The following PSMD3 variants were observed in gnomAD, a reference collection of about 807,000 sequenced individuals.
PSMD3 encodes the protein 26S proteasome non-ATPase regulatory subunit 3.
A neutral mutation model predicts 62.8 loss-of-function variants in PSMD3; 5 were observed. The ratio of observed to expected loss-of-function variants is 0.08; its 90% CI spans 0.04 to 0.17. PSMD3 has a LOEUF of 0.17. PSMD3 is among the 10% of genes least tolerant of loss of function. The pLI, the probability that PSMD3 is intolerant of heterozygous loss-of-function variation, is 1.00. For missense variants in PSMD3, 524 were observed against 713.6 expected (o/e 0.73, Z 3.03); for synonymous variants, 265 against 283.9 (o/e 0.93, Z 0.67).
Position 39,989,711 on chromosome 17 carries a change from C to G in PSMD3, c.687-28C>G, listed in dbSNP as rs79421311. On this transcript the variant is annotated intron_variant, in intron 4 of 11. Transcript: ENST00000264639. Reference sequence around the variant, plus strand: ...AGTTCAGAGAGTTGTGATTTGAAGGCTTTGACATCTTTCTTTCCTTCTTGA... The same window carrying G: ...AGTTCAGAGAGTTGTGATTTGAAGGGTTTGACATCTTTCTTTCCTTCTTGA... The G allele has an allele frequency of 8.6e-4, 1,375 of 1,597,538 alleles. 13 individuals are homozygous for G. In the East Asian group the frequency reaches 0.021, roughly 25 times the overall value.
chr17:39,990,179 T>C lies in PSMD3; in HGVS notation c.963T>C (p.Ala321=). 6.2e-7 allele frequency: 1 copy of C among 1,613,084 alleles called. No homozygotes were observed. Among genetic ancestry groups the C allele is most frequent in the South Asian group, 1.1e-5 (1 of 91,038 alleles). The change falls in exon 6 of 12, where the codon GCT becomes GCC. Residue 321 remains alanine (A), a synonymous_variant. Coordinates refer to ENST00000264639, the MANE Select transcript of PSMD3 (RefSeq NM_002809.4). ...NALRKAPQHT[A]VGFKQTVHKL... ...TTCGCAAGGCCCCTCAGCACACAGC[T>C]GTCGGCTTCAAACAGACGGTGAGCC...
At position 39,997,628 on chromosome 17, in the gene PSMD3, C is replaced by T. The variant is rs555888008; in HGVS notation, c.*47C>T. On this transcript the variant is annotated 3_prime_UTR_variant, in exon 12 of 12. Coordinates refer to ENST00000264639, the MANE Select transcript of PSMD3 (RefSeq NM_002809.4). Reference sequence around the variant, plus strand: ...AGGGGGAATGGGGACAGGCTCTTTCCCCCTTGGGGGTCCCCTGCCCAGGGC... The same window carrying T: ...AGGGGGAATGGGGACAGGCTCTTTCTCCCTTGGGGGTCCCCTGCCCAGGGC... 4.4e-6 allele frequency: 7 copies of T among 1,588,628 alleles called. No homozygotes were observed. The highest frequency in any genetic ancestry group is 6.0e-6 in the Non-Finnish European group (7 of 1,162,218).
intron 1 of PSMD3, among the ~76,000 whole-genome samples, chr17:39,984,001 C>A (rs1044990030): frequency 6.6e-6 from 1 of 151,998 alleles, no homozygotes; most frequent in African/African-American, 2.4e-5. Context: ...AGATCGAGAC[C>A]ATCCTGGCTA....
chr17:39,996,331 C>A lies in PSMD3; in HGVS notation c.1469C>A (p.Ser490Tyr). 1 of 1,613,934 alleles carries A rather than the reference C, an allele frequency of 6.2e-7. No homozygotes were observed. Among genetic ancestry groups the A allele is most frequent in the Non-Finnish European group, 8.5e-7 (1 of 1,179,986 alleles). ...ISFCLDIHNM[S>Y]VKAMRFPPKS... ...TTCTGCCTAGATATCCACAACATGT[C>A]TGTCAAGGTGAGAAGCCCGTGGCTG... Residue 490 changes from serine to tyrosine, a missense_variant, in exon 10 of 12, where the codon TCT becomes TAT. This residue lies in a region of PSMD3 where 76 missense variants were observed against 97.3 expected (regional missense o/e 0.78). Coordinates refer to ENST00000264639, the MANE Select transcript of PSMD3 (RefSeq NM_002809.4). The surrounding 1 kb of genome is among the most constrained non-coding windows in gnomAD (Gnocchi z 5.1).
At chr17:39,984,062 T>C (rs968888777) in intron 1 of PSMD3, among the ~76,000 whole-genome samples, 4 of 151,764 alleles carry the variant, frequency 2.6e-5, no homozygotes, top group African/African-American at 7.3e-5. Flanking sequence ...TAGCCAGGCG[T>C]GGTGGCGGGT....
At chr17:39,982,174 C>G (rs1980405604) in intron 1 of PSMD3, among the ~76,000 whole-genome samples, 1 of 152,190 alleles carries the variant, frequency 6.6e-6, no homozygotes, top group African/African-American at 2.4e-5. Flanking sequence ...TTGACTACAT[C>G]AGCTCTTACT....
chr17:39,993,477 C>T (rs1204058460), intron 6 of PSMD3: 1 of 152,340 alleles, frequency 6.6e-6, no homozygotes, highest in Non-Finnish European at 1.5e-5. Context: ...GAGATCCCTC[C>T]TGGCCCCCTT....
Position 39,989,833 on chromosome 17 carries a change from T to G in PSMD3, c.781T>G (p.Tyr261Asp). Residue 261 changes from tyrosine (Y) to aspartate (D), a missense_variant, in exon 5 of 12, where the codon TAC becomes GAC. Tyr to Asp is a radical substitution (Grantham distance 160). Coordinates refer to ENST00000264639, the MANE Select transcript of PSMD3 (RefSeq NM_002809.4). Reference protein sequence around the residue: ...LNLLLRNYLHYSLYDQAEKLV... With the variant: ...LNLLLRNYLHDSLYDQAEKLV... ...CCTCCTGCTGCGGAATTACCTACAC[T>G]ACAGCTTGTACGACCAGGCTGAGAA... 2 of 1,614,190 alleles carry G rather than the reference T, an allele frequency of 1.2e-6. No individual in the cohort carries two copies. Among genetic ancestry groups the G allele is most frequent in the Non-Finnish European group, 1.7e-6 (2 of 1,180,040 alleles).
intron 6 of PSMD3, chr17:39,993,818 G>A (rs1980716715): frequency 6.6e-6 from 1 of 152,166 alleles, no homozygotes; most frequent in African/African-American, 2.4e-5. Context: ...AGACAGGCTA[G>A]GTATTGTTAT....
At chr17:39,993,783 G>T (rs1489870666) in intron 6 of PSMD3, 1 of 152,176 alleles carries the variant, frequency 6.6e-6, no homozygotes, top group Admixed American at 6.5e-5. Context: ...CACTGCTGTA[G>T]GGTATCATAA....
In PSMD3 at chr17:39,996,120, CAAAA is replaced by C. The variant is rs35244421; in HGVS notation, c.1321-51_1321-48del. On this transcript the variant is annotated intron_variant, in intron 9 of 11. Coordinates refer to ENST00000264639, the MANE Select transcript of PSMD3 (RefSeq NM_002809.4). The surrounding 1 kb of genome is among the most constrained non-coding windows in gnomAD (Gnocchi z 5.1). ...TGGGTGACAGAGCGAGACTCCATCT[CAAAA>C]AAAAAAAAAAAGAAGAAGCTGGGTG... 8.2e-5 allele frequency: 120 copies of C among 1,456,400 alleles called. No homozygotes were observed. Among genetic ancestry groups the C allele is most frequent in the Admixed American group, 2.7e-4 (14 of 52,046 alleles). The allele number at this position is 1,456,400 out of a possible 1,614,324, so 90.2% of individuals were successfully genotyped here. A position where few individuals can be genotyped will look rare whatever the true frequency, so the allele number is the denominator to read the frequency against.
Position 39,984,810 on chromosome 17 carries a change from T to C in PSMD3, c.411+326T>C, listed in dbSNP as rs149145943. On this transcript the variant is annotated intron_variant, in intron 2 of 11. Transcript: ENST00000264639. ...GAGAGAAGGTGCTGCTGCCTCTTTC[T>C]TCTGAAGCTTCACCATGGAGGAGGT... Among the ~76,000 whole-genome samples, 431 of 152,278 alleles carry C rather than the reference T, an allele frequency of 2.8e-3. 5 individuals carry two copies. The highest frequency in any genetic ancestry group is 0.028 in the East Asian group (145 of 5,176).
rs2144807609 is a variant in PSMD3, at chr17:39,984,034, C to G, written c.221-260C>G. Among the ~76,000 whole-genome samples the G allele has an allele frequency of 2.6e-5, 4 of 152,060 alleles. No individual in the cohort carries two copies. The Middle Eastern group carries it at 0.014, about 521-fold the overall frequency. ...CTAACACGGTGAAACCCCGTCTCTA[C>G]TAAAAATACAAAAAATTTAGCCAGG... On this transcript the variant is annotated intron_variant, in intron 1 of 11. Transcript: ENST00000264639.
At position 39,980,842 on chromosome 17, in the gene PSMD3, T is replaced by A; in HGVS notation, c.-129T>A. 2 of 849,270 alleles carry A rather than the reference T, an allele frequency of 2.4e-6. No individual in the cohort carries two copies. The highest frequency in any genetic ancestry group is 3.4e-6 in the Non-Finnish European group (2 of 580,336). The allele number at this position is 849,270 out of a possible 1,614,324, so 52.6% of individuals were successfully genotyped here. A position where few individuals can be genotyped will look rare whatever the true frequency, so the allele number is the denominator to read the frequency against. ...GCGCCGGGAAGGGGTTTGCAGCTGC[T>A]CCGTCATCGTGCGGCCCGACGCTAT... On this transcript the variant is annotated 5_prime_UTR_variant, in exon 1 of 12. Transcript: ENST00000264639.
rs559300951 is a variant in PSMD3, at chr17:39,987,294, T to C, written c.549+582T>C. Among the ~76,000 whole-genome samples, 4 of 152,308 alleles carry C rather than the reference T, an allele frequency of 2.6e-5. No homozygotes were observed. The South Asian group carries it at 8.3e-4, about 32-fold the overall frequency. On this transcript the variant is annotated intron_variant, in intron 3 of 11. Coordinates refer to ENST00000264639, the MANE Select transcript of PSMD3 (RefSeq NM_002809.4). Reference sequence around the variant, plus strand: ...CACAGGAGCACACTCAGGAAGTAAGTCGCACTCCTTAATTCCCTGGTTTGT... The same window carrying C: ...CACAGGAGCACACTCAGGAAGTAAGCCGCACTCCTTAATTCCCTGGTTTGT...
chr17:39,984,288 C>G lies in PSMD3; in HGVS notation c.221-6C>G, dbSNP rs765723586. The G allele has an allele frequency of 6.4e-5, 101 of 1,584,264 alleles. No individual in the cohort carries two copies. Among genetic ancestry groups the G allele is most frequent in the Non-Finnish European group, 8.5e-5 (99 of 1,161,458 alleles). On this transcript the variant is annotated splice_polypyrimidine_tract_variant and splice_region_variant and intron_variant, in intron 1 of 11. Coordinates refer to ENST00000264639, the MANE Select transcript of PSMD3 (RefSeq NM_002809.4). ...TGACATCATTTTCTTCTCTGCTCTTCTTCAGACATCAAGGAGCACGTGAAA... is the reference window on the plus strand; with the variant it reads ...TGACATCATTTTCTTCTCTGCTCTTGTTCAGACATCAAGGAGCACGTGAAA...
intron 6 of PSMD3, among the ~76,000 whole-genome samples, chr17:39,991,001 CAG>C (rs1276533442): frequency 1.3e-5 from 2 of 152,166 alleles, no homozygotes; most frequent in African/African-American, 4.8e-5. Context: ...TTTTCTGAGA[CAG>C]AGTCTCCCTC....
Position 39,988,732 on chromosome 17 carries a change from G to A in PSMD3, c.599G>A (p.Arg200His), listed in dbSNP as rs921989197. Residue 200 changes from arginine to histidine, a missense_variant, in exon 4 of 12, where the codon CGC (arginine) becomes CAC (histidine). Around this residue, in one of 4 missense-constraint regions of PSMD3, gnomAD observed 396 missense variants for 475.8 expected, o/e 0.83. Coordinates refer to ENST00000264639, the MANE Select transcript of PSMD3 (RefSeq NM_002809.4). ...ATGCAGAAGATCAGTACTCAGAACC[G>A]CCGGGCCCTAGACCTTGTAGCCGCA... ...DLMQKISTQN[R>H]RALDLVAAKC... The A allele has an allele frequency of 6.8e-6, 11 of 1,614,144 alleles. No homozygotes were observed. Among genetic ancestry groups the A allele is most frequent in the South Asian group, 1.1e-5 (1 of 91,086 alleles).
Position 39,984,417 on chromosome 17 carries a change from A to G in PSMD3, c.344A>G (p.Lys115Arg). 1 of 1,613,716 alleles carries G rather than the reference A, an allele frequency of 6.2e-7. No homozygotes were observed. Among genetic ancestry groups the G allele is most frequent in the Non-Finnish European group, 8.5e-7 (1 of 1,179,954 alleles). Residue 115 changes from lysine to arginine, a missense_variant, in exon 2 of 12, where the codon AAG becomes AGG. By Grantham distance (26) the Lys-to-Arg change is conservative. Transcript: ENST00000264639. ...SRRLNHYVLY[K>R]AVQGFFTSNN... is the part of the protein sequence containing the mutation. The stretch of plus-strand genomic sequence containing the variant: ...CGCCTCAACCACTATGTTCTGTATA[A>G]GGCTGTGCAGGGCTTCTTCACTTCA...
Sources: allele counts gnomAD v4.1 joint callset (sites outside exome capture counted in the v4.1 genomes callset), GRCh38; gene constraint gnomAD v4.1.1; regional missense constraint gnomAD v4.1.1; non-coding constraint Gnocchi (gnomAD v3.1); transcripts MANE v1.5; gene names NCBI Gene and HGNC (gene_info 2026-07-23, HGNC 2026-07-21).